The following SMYD4 variants were observed in gnomAD, a reference collection of about 807,000 sequenced individuals.
SMYD4 encodes protein-lysine N-methyltransferase SMYD4.
A neutral mutation model predicts 72.8 loss-of-function variants in SMYD4; 68 were observed. That is an observed-to-expected ratio of 0.93 (90% CI 0.77 to 1.14). SMYD4 has a LOEUF of 1.14. Ranked by LOEUF, SMYD4 falls within the 50% of genes most tolerant of loss-of-function variation. SMYD4 has a pLI of 0.00. For missense variants in SMYD4, 984 were observed against 1,003.7 expected (o/e 0.98, Z 0.27); for synonymous variants, 407 against 388.6 (o/e 1.05, Z -0.56).
chr17:1,794,105 A>ATATATATATTTTTTTTTTT (rs1291818005), intron 5 of SMYD4, among the ~76,000 whole-genome samples: 1 of 12,982 alleles, frequency 7.7e-5, no homozygotes, highest in Non-Finnish European at 1.4e-4. Context: ...ATATATATAT[A>ATATATATATTTTTTTTTTT]TTTTTTTTTT....
rs1468494497 is a variant in SMYD4, at chr17:1,786,795, A to G, written c.1884+15T>C. ...GACCTCCAGGAAAAGTGGAGGAGACAGAAGAGAGAATTACCTGCATGGGCG... is the reference window on the plus strand; with the variant it reads ...GACCTCCAGGAAAAGTGGAGGAGACGGAAGAGAGAATTACCTGCATGGGCG... On this transcript the variant is annotated intron_variant, in intron 7 of 10. Transcript: ENST00000305513. 6 of 1,613,894 alleles carry G rather than the reference A, an allele frequency of 3.7e-6. No homozygotes were observed. Among genetic ancestry groups the G allele is most frequent in the Admixed American group, 1.7e-5 (1 of 60,004 alleles).
chr17:1,813,958 A>T (rs1910458378), intron 2 of SMYD4, among the ~76,000 whole-genome samples: 1 of 152,216 alleles, frequency 6.6e-6, no homozygotes, highest in Non-Finnish European at 1.5e-5. Flanking sequence ...GTAGAAACAC[A>T]AATGACATGG....
chr17:1,807,437 C>A (rs1478596593), intron 3 of SMYD4, among the ~76,000 whole-genome samples: 1 of 150,830 alleles, frequency 6.6e-6, no homozygotes, highest in East Asian at 2.0e-4. Flanking sequence ...GGCCCCCACA[C>A]CGGCAACCCC....
chr17:1,807,378 G>C (rs1910091329), intron 3 of SMYD4, among the ~76,000 whole-genome samples: 2 of 151,316 alleles, frequency 1.3e-5, no homozygotes, highest in Admixed American at 1.3e-4. Context: ...AGGCTGGAGT[G>C]AAGTGGCGTG....
At position 1,787,466 on chromosome 17, in the gene SMYD4, G is replaced by A. The variant is rs370209358; in HGVS notation, c.1676C>T (p.Ala559Val). 40 of 1,565,144 alleles carry A rather than the reference G, an allele frequency of 2.6e-5. No individual in the cohort carries two copies. Among genetic ancestry groups the A allele is most frequent in the Non-Finnish European group, 3.0e-5 (35 of 1,154,814 alleles). The part of the protein sequence containing the change: ...SFISTVATIR[A>V]SQRIRKGQEI... Reference sequence around the variant, plus strand: ...TTGCCCCTTTCTAATCCGCTGTGACGCCCGGATGGTGGCGACAGTGCTAAT... The same window carrying A: ...TTGCCCCTTTCTAATCCGCTGTGACACCCGGATGGTGGCGACAGTGCTAAT... Residue 559 changes from alanine (A) to valine (V), a missense_variant, in exon 6 of 11, where the codon GCG (alanine) becomes GTG (valine). Coordinates refer to ENST00000305513, the MANE Select transcript of SMYD4 (RefSeq NM_052928.3).
chr17:1,796,498 G>A (rs370409730), intron 5 of SMYD4, among the ~76,000 whole-genome samples: 95 of 150,904 alleles, frequency 6.3e-4, no homozygotes, highest in East Asian at 4.7e-3. Flanking sequence ...GTGCAGTGGC[G>A]TGATCTCGGC....
At chr17:1,787,749 T>A in intron 5 of SMYD4, 145 bp from the exon 6 acceptor site, 1 of 859,738 alleles carries the variant, frequency 1.2e-6, no homozygotes, top group Non-Finnish European at 1.7e-6. Flanking sequence ...ATAAATCAGA[T>A]GGGACATGAC....
intron 2 of SMYD4, among the ~76,000 whole-genome samples, chr17:1,823,645 T>A (rs971634163): frequency 6.6e-6 from 1 of 151,938 alleles, no homozygotes; most frequent in Non-Finnish European, 1.5e-5. Flanking sequence ...TGAAGAAGGG[T>A]AGACCCCATT....
intron 3 of SMYD4, among the ~76,000 whole-genome samples, chr17:1,808,530 CAT>C (rs1332111559): frequency 6.6e-6 from 1 of 152,000 alleles, no homozygotes; most frequent in Non-Finnish European, 1.5e-5. Context: ...CCGAAGTAAA[CAT>C]ATATTACTTT....
chr17:1,827,501 T>C (rs113284024), intron 2 of SMYD4, among the ~76,000 whole-genome samples: 15 of 152,222 alleles, frequency 9.9e-5, no homozygotes, highest in Admixed American at 7.2e-4. Flanking sequence ...AGAGTGAAGA[T>C]GGCCCAGCTG....
chr17:1,785,532 C>T (rs1332748893), intron 7 of SMYD4, among the ~76,000 whole-genome samples: 3 of 150,626 alleles, frequency 2.0e-5, no homozygotes, highest in Non-Finnish European at 4.4e-5. Context: ...GCAGGTAGGT[C>T]GCTTGAGGCC....
At chr17:1,813,555 G>C (rs895921883) in intron 2 of SMYD4, among the ~76,000 whole-genome samples, 2 of 151,990 alleles carry the variant, frequency 1.3e-5, no homozygotes, top group African/African-American at 2.4e-5. Flanking sequence ...GGAGTAGCTA[G>C]GAGTGTGAGC....
chr17:1,798,852 T>C (rs1323453363), intron 5 of SMYD4, among the ~76,000 whole-genome samples: 1 of 151,804 alleles, frequency 6.6e-6, no homozygotes, highest in Non-Finnish European at 1.5e-5. Flanking sequence ...TGAGCTGAGA[T>C]TGCGCCACTG....
chr17:1,800,364 G>C lies in SMYD4; in HGVS notation c.1030C>G (p.Leu344Val). 6.2e-7 allele frequency: 1 copy of C among 1,614,196 alleles called. No homozygotes were observed. Residue 344 changes from leucine (L) to valine (V), a missense_variant, in exon 5 of 11, where the codon CTG becomes GTG. Coordinates refer to ENST00000305513, the MANE Select transcript of SMYD4 (RefSeq NM_052928.3). ...AGGGCAATGTGGCAAAAGACACCCAGTGTGAGAAGCAGCCCTCCCAGAGGA... is the reference window on the plus strand; with the variant it reads ...AGGGCAATGTGGCAAAAGACACCCACTGTGAGAAGCAGCCCTCCCAGAGGA... Reference protein sequence around the residue: ...ECPLGGLLLTLGVFCHIALRL... With the variant: ...ECPLGGLLLTVGVFCHIALRL...
At position 1,800,108 on chromosome 17, in the gene SMYD4, A is replaced by T. The variant is rs1909634036; in HGVS notation, c.1286T>A (p.Leu429Ter). ...ENNYNAVFNL[L>*]PHTENHSPEH... ...TGGGCTATGGTTTTCAGTGTGGGGCAAAAGGTTGAAGACAGCATTATAATT... is the reference window on the plus strand; with the variant it reads ...TGGGCTATGGTTTTCAGTGTGGGGCTAAAGGTTGAAGACAGCATTATAATT... Residue 429 changes from leucine to a stop codon, truncating the protein, a stop_gained, in exon 5 of 11, where the codon TTG becomes TAG. Coordinates refer to ENST00000305513, the MANE Select transcript of SMYD4 (RefSeq NM_052928.3). LOFTEE classifies it high-confidence loss of function. 2 of 1,610,926 alleles carry T rather than the reference A, an allele frequency of 1.2e-6. No individual in the cohort carries two copies. Among genetic ancestry groups the T allele is most frequent in the Admixed American group, 1.7e-5 (1 of 59,716 alleles).
At chr17:1,812,842 C>A (rs568876089) in intron 2 of SMYD4, among the ~76,000 whole-genome samples, 5 of 151,972 alleles carry the variant, frequency 3.3e-5, no homozygotes, top group Non-Finnish European at 5.9e-5. Context: ...AGCCACCGCA[C>A]CTGGCCAGAA....
chr17:1,794,259 A>G lies in SMYD4; in HGVS notation c.1537+5598T>C, dbSNP rs532757317. Among the ~76,000 whole-genome samples, 1,257 of 144,974 alleles carry G rather than the reference A, an allele frequency of 8.7e-3. 7 individuals carry two copies. Among genetic ancestry groups the G allele is most frequent in the Non-Finnish European group, 0.014 (896 of 66,182 alleles). ...CAAGTAGCTGGGACTACAGGCGCCCACCACCACACCAGGCTAATTTTTTTT... is the reference window on the plus strand; with the variant it reads ...CAAGTAGCTGGGACTACAGGCGCCCGCCACCACACCAGGCTAATTTTTTTT... On this transcript the variant is annotated intron_variant, in intron 5 of 10. Coordinates refer to ENST00000305513, the MANE Select transcript of SMYD4 (RefSeq NM_052928.3).
At chr17:1,826,491 CAAAAAAAAAAAA>C (rs111636314) in intron 2 of SMYD4, among the ~76,000 whole-genome samples, 58 of 103,122 alleles carry the variant, frequency 5.6e-4, no homozygotes, top group South Asian at 3.5e-3. Context: ...AAACTCTGTC[CAAAAAAAAAAAA>C]AAAAAAAAAA....
rs894188208 is a variant in SMYD4, at chr17:1,811,956, C to G, written c.279+15G>C. Reference sequence around the variant, plus strand: ...AAAAATAAATAATAAATTGCTTGAGCTGGGAGTGTTTTACCTTAGAGTACA... The same window carrying G: ...AAAAATAAATAATAAATTGCTTGAGGTGGGAGTGTTTTACCTTAGAGTACA... On this transcript the variant is annotated intron_variant, in intron 3 of 10. Transcript: ENST00000305513. 1 of 1,607,982 alleles carries G rather than the reference C, an allele frequency of 6.2e-7. No individual in the cohort carries two copies. The highest frequency in any genetic ancestry group is 1.3e-5 in the African/African-American group (1 of 74,442).
Sources: allele counts gnomAD v4.1 joint callset (sites outside exome capture counted in the v4.1 genomes callset), GRCh38; gene constraint gnomAD v4.1.1; transcripts MANE v1.5; gene names NCBI Gene and HGNC (gene_info 2026-07-23, HGNC 2026-07-21).